The following MAP1B variants were observed in gnomAD, a reference collection of about 807,000 sequenced individuals.
The protein encoded by MAP1B is microtubule associated protein 1B.
Under a neutral mutation model 176.1 loss-of-function variants are expected in MAP1B, and 12 were observed. The observed-to-expected ratio is 0.07, with a 90% confidence interval of 0.04 to 0.11. The LOEUF is 0.11. Ranked by LOEUF, MAP1B falls within the 10% of genes least tolerant of loss-of-function variation. The pLI is 1.00. For missense variants in MAP1B, 2,523 were observed against 2,990.5 expected (o/e 0.84, Z 3.65); for synonymous variants, 1,044 against 1,135.0 (o/e 0.92, Z 1.61).
rs1325966897 is a variant in MAP1B, at chr5:72,198,253, C to T, written c.4898C>T (p.Thr1633Ile). 6.2e-7 allele frequency: 1 copy of T among 1,614,194 alleles called. No homozygotes were observed. The highest frequency in any genetic ancestry group is 1.7e-5 in the Admixed American group (1 of 60,032). ...DFSPKTAKSR[T>I]PVQDHRSEQS... is the part of the protein sequence containing the mutation. ...TCCCCTAAAACTGCAAAGTCCAGGA[C>T]ACCCGTTCAAGATCACAGATCTGAA... is the stretch of plus-strand genomic sequence containing the variant. The change falls in exon 5 of 7, where the codon ACA becomes ATA. Residue 1633 changes from threonine to isoleucine, a missense_variant. By Grantham distance (89) the Thr-to-Ile change is moderately conservative. Coordinates refer to ENST00000296755, the MANE Select transcript of MAP1B (RefSeq NM_005909.5).
intron 2 of MAP1B, among the ~76,000 whole-genome samples, chr5:72,172,998 G>A (rs1467804532): frequency 6.6e-6 from 1 of 152,134 alleles, no homozygotes; most frequent in East Asian, 1.9e-4. Context: ...TTGGACTTTG[G>A]ATACTGAACA....
rs1374158187 is a variant in MAP1B, at chr5:72,196,293, G to A, written c.2938G>A (p.Ala980Thr). 1 of 1,614,088 alleles carries A rather than the reference G, an allele frequency of 6.2e-7. No individual in the cohort carries two copies. The highest frequency in any genetic ancestry group is 1.7e-5 in the Admixed American group (1 of 60,022). ...SPTEDEESAK[A>T]EADAYIREKR... ...CACTGAGGATGAGGAAAGTGCCAAG[G>A]CGGAGGCTGATGCATACATCAGGGA... The change falls in exon 5 of 7, where the codon GCG (alanine) becomes ACG (threonine). Residue 980 changes from alanine (A) to threonine (T), a missense_variant. By Grantham distance (58) the Ala-to-Thr change is moderately conservative. Coordinates refer to ENST00000296755, the MANE Select transcript of MAP1B (RefSeq NM_005909.5). This position sits in a 1 kb window ranked among gnomAD's most constrained non-coding sequence, Gnocchi z 5.3.
chr5:72,186,559 G>A lies in MAP1B; in HGVS notation c.370-55G>A. 1 of 1,598,208 alleles carries A rather than the reference G, an allele frequency of 6.3e-7. No homozygotes were observed. Among genetic ancestry groups the A allele is most frequent in the Non-Finnish European group, 8.5e-7 (1 of 1,170,228 alleles). The stretch of plus-strand genomic sequence containing the variant: ...TCCGAAGGCTAGCCCTGTCCTGAAG[G>A]TGGGATGGCAGCACTGCCCATGGCT... On this transcript the variant is annotated intron_variant, in intron 3 of 6. Transcript: ENST00000296755. The surrounding 1 kb of genome is among the most constrained non-coding windows in gnomAD (Gnocchi z 4.3).
At chr5:72,188,569 C>T (rs570188476) in intron 4 of MAP1B, among the ~76,000 whole-genome samples, 7 of 152,286 alleles carry the variant, frequency 4.6e-5, no homozygotes, top group African/African-American at 1.7e-4. Context: ...GGAAGTAACA[C>T]GATTTGGCAT....
Position 72,198,349 on chromosome 5 carries a change from A to C in MAP1B, c.4994A>C (p.Gln1665Pro). ...EQSLAMDFSR[Q>P]SPDHPTVGAG... ...TCCCTTGCTATGGACTTCAGTCGAC[A>C]GTCTCCAGATCACCCTACAGTGGGT... The change falls in exon 5 of 7, where the codon CAG becomes CCG. Residue 1665 changes from glutamine (Q) to proline (P), a missense_variant. Transcript: ENST00000296755. 6.2e-7 allele frequency: 1 copy of C among 1,614,236 alleles called. No homozygotes were observed. The highest frequency in any genetic ancestry group is 8.5e-7 in the Non-Finnish European group (1 of 1,180,038).
chr5:72,122,947 T>G (rs1745558373), intron 2 of MAP1B, among the ~76,000 whole-genome samples: 1 of 152,058 alleles, frequency 6.6e-6, no homozygotes, highest in Non-Finnish European at 1.5e-5. Flanking sequence ...TTAGTAGAGT[T>G]TTTTTTTAAA....
intron 4 of MAP1B, among the ~76,000 whole-genome samples, chr5:72,187,957 G>C (rs929014728): frequency 6.6e-6 from 1 of 152,174 alleles, no homozygotes; most frequent in Admixed American, 6.5e-5. Context: ...GATCCCCCAG[G>C]CAGGCAGCTC....
rs1247627523 is a variant in MAP1B, at chr5:72,204,266, A to T, written c.7251+465A>T. ...AATTCCACAGCAGGAGCATTGCTGA[A>T]TATAGTCCCTCACAGGACACTCCCA... On this transcript the variant is annotated intron_variant, in intron 6 of 6. Coordinates refer to ENST00000296755, the MANE Select transcript of MAP1B (RefSeq NM_005909.5). This position sits in a 1 kb window ranked among gnomAD's most constrained non-coding sequence, Gnocchi z 4.4. 6.6e-6 allele frequency among the ~76,000 whole-genome samples: 1 copy of T among 152,176 alleles called. No homozygotes were observed. Among genetic ancestry groups the T allele is most frequent in the East Asian group, 1.9e-4 (1 of 5,184 alleles).
chr5:72,201,484 C>T (rs150266326), intron 5 of MAP1B, among the ~76,000 whole-genome samples: 106 of 152,322 alleles, frequency 7.0e-4, no homozygotes, highest in African/African-American at 2.5e-3. Flanking sequence ...ATCAGGTTCT[C>T]AGCAATGACC....
At chr5:72,174,590 G>A (rs1017296260) in intron 2 of MAP1B, among the ~76,000 whole-genome samples, 10 of 152,120 alleles carry the variant, frequency 6.6e-5, no homozygotes, top group Admixed American at 1.3e-4. Flanking sequence ...CTAGGCTTGC[G>A]GGGGCCACAT....
chr5:72,109,639 A>G (rs1745276971), intron 1 of MAP1B, among the ~76,000 whole-genome samples: 1 of 152,222 alleles, frequency 6.6e-6, no homozygotes, highest in Non-Finnish European at 1.5e-5. Flanking sequence ...CCAGAGAGGC[A>G]GGAAGGGTAA....
chr5:72,143,246 C>T (rs1008745499), intron 2 of MAP1B, among the ~76,000 whole-genome samples: 3 of 152,126 alleles, frequency 2.0e-5, no homozygotes, highest in African/African-American at 7.2e-5. Flanking sequence ...AATACACTGC[C>T]GTGTTGAGAT....
At chr5:72,173,822 T>C (rs1016684290) in intron 2 of MAP1B, among the ~76,000 whole-genome samples, 6 of 152,198 alleles carry the variant, frequency 3.9e-5, no homozygotes, top group Non-Finnish European at 7.4e-5. Context: ...ACGAGTCCTG[T>C]GGACTGGATT....
chr5:72,145,967 C>G (rs889739834), intron 2 of MAP1B, among the ~76,000 whole-genome samples: 5 of 152,090 alleles, frequency 3.3e-5, no homozygotes, highest in African/African-American at 1.2e-4. Flanking sequence ...AGGAATCCCC[C>G]CAGGATGGCT....
chr5:72,193,153 C>A (rs992469545), intron 4 of MAP1B: 2 of 246,738 alleles, frequency 8.1e-6, no homozygotes, highest in Non-Finnish European at 1.7e-5. Context: ...GGGTGACCCA[C>A]TCATGTTTCA....
At chr5:72,122,069 T>C (rs1331988962) in intron 2 of MAP1B, among the ~76,000 whole-genome samples, 1 of 152,214 alleles carries the variant, frequency 6.6e-6, no homozygotes, top group Non-Finnish European at 1.5e-5. Context: ...GAAATCGTGG[T>C]ATGTTAGAAG....
chr5:72,111,090 C>A (rs1013546014), intron 1 of MAP1B, among the ~76,000 whole-genome samples: 5 of 151,518 alleles, frequency 3.3e-5, no homozygotes, highest in Non-Finnish European at 7.3e-5. Context: ...AACTACTACT[C>A]TTTGGCACCT....
intron 6 of MAP1B, 130 bp downstream of exon 6, chr5:72,203,931 C>T: frequency 1.4e-6 from 1 of 712,574 alleles, no homozygotes; most frequent in Non-Finnish European, 2.4e-6. Context: ...CTGTGTCTGT[C>T]ACACACGAAA....
At chr5:72,125,450 A>T (rs1028546393) in intron 2 of MAP1B, among the ~76,000 whole-genome samples, 1 of 152,168 alleles carries the variant, frequency 6.6e-6, no homozygotes, top group East Asian at 1.9e-4. Context: ...TTAGTGTCCT[A>T]TTATCAGCCA....
Sources: allele counts gnomAD v4.1 joint callset (sites outside exome capture counted in the v4.1 genomes callset), GRCh38; gene constraint gnomAD v4.1.1; non-coding constraint Gnocchi (gnomAD v3.1); transcripts MANE v1.5; gene names NCBI Gene and HGNC (gene_info 2026-07-23, HGNC 2026-07-21).